TIMELESS: variants seen among roughly 807,000 people sequenced by gnomAD.
TIMELESS encodes timeless circadian regulator.
In TIMELESS, 124 loss-of-function variants were observed where a neutral mutation model predicts 164.3. The ratio of observed to expected loss-of-function variants is 0.75; its 90% CI spans 0.65 to 0.88. The LOEUF is 0.88. Among genes scored for constraint, TIMELESS ranks in the 40% least tolerant of loss-of-function variants. The pLI is 0.00. For synonymous variants in TIMELESS, 564 were observed against 563.4 expected, an observed-to-expected ratio of 1.00 and a Z score of -0.02; for missense variants, 1,422 against 1,491.4, an observed-to-expected ratio of 0.95 and a Z score of 0.77.
chr12:56,420,838 T>C lies in TIMELESS; in HGVS notation c.3084A>G (p.Arg1028=). ...PLLWLQNCLI[R]AADDREEDGC... is the part of the protein sequence containing the mutation. ...CATCCTCTTCCCGATCATCAGCTGCTCGGATCAGGCAGTTCTGGAGCCATA... is the reference window on the plus strand; with the variant it reads ...CATCCTCTTCCCGATCATCAGCTGCCCGGATCAGGCAGTTCTGGAGCCATA... Residue 1028 remains arginine, a synonymous_variant, in exon 25 of 29, where the codon CGA becomes CGG. Coordinates refer to ENST00000553532, the MANE Select transcript of TIMELESS (RefSeq NM_003920.5). The C allele has an allele frequency of 6.2e-7, 1 of 1,614,152 alleles. No individual in the cohort carries two copies. The highest frequency in any genetic ancestry group is 8.5e-7 in the Non-Finnish European group (1 of 1,180,026).
At chr12:56,417,846 A>G (rs988140526) in intron 28 of TIMELESS, 60 bp from the exon 29 acceptor site, 16 of 1,613,542 alleles carry the variant, frequency 9.9e-6, no homozygotes, top group East Asian at 8.9e-5. Context: ...AGGGGTAAGG[A>G]CGTGGTAGAG....
In TIMELESS at chr12:56,420,946, C is replaced by A; in HGVS notation, c.3040+17G>T. 6.2e-7 allele frequency: 1 copy of A among 1,614,060 alleles called. No individual in the cohort carries two copies. The highest frequency in any genetic ancestry group is 8.5e-7 in the Non-Finnish European group (1 of 1,179,984). ...AAGCCCTCCACCTGAGACATCTCTCCCAGCCAAAGTCCTCACCTTCCTGAT... is the reference window on the plus strand; with the variant it reads ...AAGCCCTCCACCTGAGACATCTCTCACAGCCAAAGTCCTCACCTTCCTGAT... On this transcript the variant is annotated intron_variant, in intron 24 of 28. Transcript: ENST00000553532.
In TIMELESS at chr12:56,417,986, C is replaced by A; in HGVS notation, c.3477G>T (p.Glu1159Asp). Residue 1159 changes from glutamate to aspartate, a missense_variant, in exon 28 of 29, where the codon GAG becomes GAT. Glu to Asp is a conservative substitution (Grantham distance 45). Transcript: ENST00000553532. ...GTTTCTTGGGTGCTGCCTTCAGCGGCTCTTTACCAACAGCGTCTTCCTCTG... is the reference window on the plus strand; with the variant it reads ...GTTTCTTGGGTGCTGCCTTCAGCGGATCTTTACCAACAGCGTCTTCCTCTG... ...SPEEEDAVGK[E>D]PLKAAPKKRQ... is the part of the protein sequence containing the mutation. The A allele has an allele frequency of 6.2e-7, 1 of 1,614,214 alleles. No individual in the cohort carries two copies. Among genetic ancestry groups the A allele is most frequent in the South Asian group, 1.1e-5 (1 of 91,088 alleles).
rs754714509 is a variant in TIMELESS at position 56,423,435 on chromosome 12, G to A, written c.2131C>T (p.Leu711=). The change falls in exon 18 of 29, where the codon CTA becomes TTA. Residue 711 remains leucine, a synonymous_variant. Coordinates refer to ENST00000553532, the MANE Select transcript of TIMELESS (RefSeq NM_003920.5). Reference sequence around the variant, plus strand: ...GCACTATTCTGCTGGTAGCTCCTTAGTAGCAGCACATAGGCTCGAACGACA... The same window carrying A: ...GCACTATTCTGCTGGTAGCTCCTTAATAGCAGCACATAGGCTCGAACGACA... The part of the protein sequence containing the change: ...STVVRAYVLL[L]RSYQQNSAHT... 6.2e-7 allele frequency: 1 copy of A among 1,614,130 alleles called. No individual in the cohort carries two copies. Among genetic ancestry groups the A allele is most frequent in the East Asian group, 2.2e-5 (1 of 44,890 alleles).
chr12:56,423,619 C>T lies in TIMELESS; in HGVS notation c.2055G>A (p.Ser685=), dbSNP rs148443263. The T allele has an allele frequency of 4.0e-5, 64 of 1,614,024 alleles. No individual in the cohort carries two copies. The highest frequency in any genetic ancestry group is 1.6e-4 in the African/African-American group (12 of 74,908). The change falls in exon 17 of 29, where the codon TCG becomes TCA. Residue 685 remains serine (S), a synonymous_variant. Coordinates refer to ENST00000553532, the MANE Select transcript of TIMELESS (RefSeq NM_003920.5). ...EEEELQVVQV[S]EKEFNFLDYL... is the part of the protein sequence containing the mutation. The stretch of plus-strand genomic sequence containing the variant: ...AGTCCAGAAAATTAAATTCTTTCTC[C>T]GACACCTGGACCACTTGCAACTCCT...
rs145203083 is a variant in TIMELESS at position 56,435,304 on chromosome 12, T to C, written c.-61-1073A>G. 2.1e-3 allele frequency among the ~76,000 whole-genome samples: 325 copies of C among 151,290 alleles called. 3 individuals are homozygous for C. The highest frequency in any genetic ancestry group is 7.5e-3 in the African/African-American group (307 of 41,156). On this transcript the variant is annotated intron_variant, in intron 1 of 28. Transcript: ENST00000553532. Reference sequence around the variant, plus strand: ...TAACAGAACAGGTGAGGAAATGGAGTGAATAGAAACTGGTACATTCCCTAT... The same window carrying C: ...TAACAGAACAGGTGAGGAAATGGAGCGAATAGAAACTGGTACATTCCCTAT...
chr12:56,439,294 C>T (rs113890075), intron 1 of TIMELESS, among the ~76,000 whole-genome samples: 2 of 151,690 alleles, frequency 1.3e-5, no homozygotes, highest in Non-Finnish European at 2.9e-5. Context: ...CAGTGGCTCA[C>T]GCCTGTAATC....
intron 28 of TIMELESS, 28 bp from the exon 29 acceptor site, chr12:56,417,814 G>C (rs759350203): frequency 6.2e-7 from 1 of 1,613,990 alleles, no homozygotes; most frequent in South Asian, 1.1e-5. Flanking sequence ...GTGAGAGAGA[G>C]AGAGAATATC....
chr12:56,417,465 C>T lies in TIMELESS; in HGVS notation c.*251G>A, dbSNP rs2136128851. 1 of 461,650 alleles carries T rather than the reference C, an allele frequency of 2.2e-6. No individual in the cohort carries two copies. Among genetic ancestry groups the T allele is most frequent in the African/African-American group, 1.9e-5 (1 of 51,522 alleles). 28.6% of individuals were successfully genotyped at this position (461,650 alleles called of 1,614,324 possible). The stretch of plus-strand genomic sequence containing the variant: ...CTCCAATAACCAAAAGAAATGGTTC[C>T]TAGAAGAAGAGAACTAAATCTCCAG... On this transcript the variant is annotated 3_prime_UTR_variant, in exon 29 of 29. Coordinates refer to ENST00000553532, the MANE Select transcript of TIMELESS (RefSeq NM_003920.5).
At position 56,439,059 on chromosome 12, in the gene TIMELESS, G is replaced by A. The variant is rs562587032; in HGVS notation, c.-61-4828C>T. Among the ~76,000 whole-genome samples the A allele has an allele frequency of 4.4e-4, 66 of 150,402 alleles. 1 individual carries two copies. In the East Asian group the frequency reaches 0.012, roughly 27 times the overall value. ...CGGGCGCCTGTAATCCCAGCTACTCGGGAGGCTGAGGCAGGAGAATCGCTT... is the reference window on the plus strand; with the variant it reads ...CGGGCGCCTGTAATCCCAGCTACTCAGGAGGCTGAGGCAGGAGAATCGCTT... On this transcript the variant is annotated intron_variant, in intron 1 of 28. Transcript: ENST00000553532.
chr12:56,434,458 C>T (rs1239227691), intron 1 of TIMELESS, among the ~76,000 whole-genome samples: 1 of 152,196 alleles, frequency 6.6e-6, no homozygotes, highest in African/African-American at 2.4e-5. Flanking sequence ...CCTACCCTGG[C>T]CAGGCGCGGT....
Position 56,428,629 on chromosome 12 carries a change from T to C in TIMELESS, c.1328A>G (p.Tyr443Cys), listed in dbSNP as rs754810183. 1 of 1,614,000 alleles carries C rather than the reference T, an allele frequency of 6.2e-7. No individual in the cohort carries two copies. Among genetic ancestry groups the C allele is most frequent in the Non-Finnish European group, 8.5e-7 (1 of 1,180,008 alleles). Residue 443 changes from tyrosine to cysteine, a missense_variant, in exon 12 of 29, where the codon TAT becomes TGT. By Grantham distance (194) the Tyr-to-Cys change is radical (BLOSUM62 -2). Transcript: ENST00000553532. ...ATTCACTGTTGCCAGCAGCTCCTGA[T>C]AGGCCTTCAGAGCCAAGTGCATCCT... ...ARRMHLALKA[Y>C]QELLATVNEM...
At position 56,432,440 on chromosome 12, in the gene TIMELESS, C is replaced by A. The variant is rs1881920874; in HGVS notation, c.616G>T (p.Ala206Ser). 1 of 1,614,074 alleles carries A rather than the reference C, an allele frequency of 6.2e-7. No homozygotes were observed. The change falls in exon 7 of 29, where the codon GCC becomes TCC. Residue 206 changes from alanine (A) to serine (S), a missense_variant. Transcript: ENST00000553532. Reference sequence around the variant, plus strand: ...CATTGCTCCTCAGCAGACGAGCTGGCCAGAAAGAGGAGCAGGTCATCCAGG... The same window carrying A: ...CATTGCTCCTCAGCAGACGAGCTGGACAGAAAGAGGAGCAGGTCATCCAGG... The part of the protein sequence containing the change: ...SGLDDLLLFL[A>S]SSSAEEQWSL...
intron 15 of TIMELESS, among the ~76,000 whole-genome samples, chr12:56,424,455 TTCTCTTAAC>T (rs1309157196): frequency 6.6e-5 from 10 of 152,216 alleles, no homozygotes; most frequent in Admixed American, 3.3e-4. Context: ...CCAGTTTTTT[TTCTCTTAAC>T]GTTATAAGAA....
intron 6 of TIMELESS, 61 bp from the exon 7 acceptor site, chr12:56,432,585 A>C: frequency 6.3e-7 from 1 of 1,578,466 alleles, no homozygotes; most frequent in East Asian, 2.3e-5. Context: ...CCTGCCTTGA[A>C]GCTCTCCAAC....
At chr12:56,431,388 C>T in intron 8 of TIMELESS, 83 bp downstream of exon 8, 2 of 1,049,210 alleles carry the variant, frequency 1.9e-6, no homozygotes, top group Non-Finnish European at 2.7e-6. Flanking sequence ...AAATGTTGTT[C>T]AATCACCCCA....
chr12:56,447,853 G>A (rs1211781121), intron 1 of TIMELESS, among the ~76,000 whole-genome samples: 1 of 152,130 alleles, frequency 6.6e-6, no homozygotes, highest in Non-Finnish European at 1.5e-5. Context: ...TCAAAGAGAA[G>A]TTCGCTTGGC....
At position 56,421,485 on chromosome 12, in the gene TIMELESS, C is replaced by G. The variant is rs776141376; in HGVS notation, c.2734G>C (p.Gly912Arg). 3 of 1,610,556 alleles carry G rather than the reference C, an allele frequency of 1.9e-6. No homozygotes were observed. Reference sequence around the variant, plus strand: ...GCTGTGATATTCTTCATGATATGACCCAGGACATCTATAAAAAGCAAGCAT... The same window carrying G: ...GCTGTGATATTCTTCATGATATGACGCAGGACATCTATAAAAAGCAAGCAT... ...EEFRDSDDVL[G>R]HIMKNITAKR... is the part of the protein sequence containing the mutation. The change falls in exon 23 of 29, where the codon GGT becomes CGT. Residue 912 changes from glycine to arginine, a missense_variant. Transcript: ENST00000553532.
rs935983601 is a variant in TIMELESS at position 56,428,619 on chromosome 12, C to T, written c.1338G>A (p.Leu446=). 1.2e-6 allele frequency: 2 copies of T among 1,614,120 alleles called. No homozygotes were observed. Among genetic ancestry groups the T allele is most frequent in the Non-Finnish European group, 1.7e-6 (2 of 1,180,028 alleles). Reference sequence around the variant, plus strand: ...TGTCCATCTCATTCACTGTTGCCAGCAGCTCCTGATAGGCCTTCAGAGCCA... The same window carrying T: ...TGTCCATCTCATTCACTGTTGCCAGTAGCTCCTGATAGGCCTTCAGAGCCA... ...MHLALKAYQE[L]LATVNEMDIS... is the part of the protein sequence containing the mutation. The change falls in exon 12 of 29, where the codon CTG becomes CTA. Residue 446 remains leucine (L), a synonymous_variant. Coordinates refer to ENST00000553532, the MANE Select transcript of TIMELESS (RefSeq NM_003920.5).
Sources: allele counts gnomAD v4.1 joint callset (sites outside exome capture counted in the v4.1 genomes callset), GRCh38; gene constraint gnomAD v4.1.1; transcripts MANE v1.5; gene names NCBI Gene and HGNC (gene_info 2026-07-23, HGNC 2026-07-21).